CNTNAP2: variants seen among roughly 807,000 people sequenced by gnomAD.
CNTNAP2 encodes the protein contactin-associated protein-like 2.
A neutral mutation model predicts 155.2 loss-of-function variants in CNTNAP2; 98 were observed. That is an observed-to-expected ratio of 0.63 (90% CI 0.54 to 0.75). The LOEUF (loss-of-function observed/expected upper bound fraction) is 0.75. CNTNAP2 is among the 30% of genes least tolerant of loss of function. CNTNAP2 has a pLI of 0.00. For missense variants in CNTNAP2, 1,727 were observed against 1,688.1 expected (o/e 1.02, Z -0.40); for synonymous variants, 651 against 631.2 (o/e 1.03, Z -0.47).
chr7:146,299,768 A>G (rs145210075), intron 1 of CNTNAP2, among the ~76,000 whole-genome samples: 1 of 152,196 alleles, frequency 6.6e-6, no homozygotes, highest in East Asian at 1.9e-4. Context: ...ACCTTCAGGA[A>G]TGCATACCCT....
chr7:147,639,321 GA>G lies in CNTNAP2; in HGVS notation c.2098+17del. The G allele has an allele frequency of 6.2e-7, 1 of 1,611,994 alleles. No individual in the cohort carries two copies. On this transcript the variant is annotated intron_variant, in intron 13 of 23. Coordinates refer to ENST00000361727, the MANE Select transcript of CNTNAP2 (RefSeq NM_014141.6). Reference sequence around the variant, plus strand: ...GAACACCCCAGGTAGGCTGAGAATGGAATGTTACTTTTAATCACTATCTCAG... The same window carrying G: ...GAACACCCCAGGTAGGCTGAGAATGGATGTTACTTTTAATCACTATCTCAG...
Position 147,922,653 on chromosome 7 carries a change from C to G in CNTNAP2, c.2255+18932C>G, listed in dbSNP as rs1800304763. Among the ~76,000 whole-genome samples, 2 of 152,216 alleles carry G rather than the reference C, an allele frequency of 1.3e-5. 1 individual carries two copies. The highest frequency in any genetic ancestry group is 4.1e-4 in the South Asian group (2 of 4,836). ...GGCCAACTGATGCAGTCCACAGAGT[C>G]TAAAGACCACTCAAACTACTCATAA... On this transcript the variant is annotated intron_variant, in intron 14 of 23. Transcript: ENST00000361727.
intron 2 of CNTNAP2, among the ~76,000 whole-genome samples, chr7:146,838,459 A>AG (rs1388554139): frequency 6.6e-6 from 1 of 152,120 alleles, no homozygotes; most frequent in Non-Finnish European, 1.5e-5. Flanking sequence ...CTGGGATTAC[A>AG]GGCACCTGCC....
At chr7:147,141,551 T>TAA (rs539936611) in intron 8 of CNTNAP2, among the ~76,000 whole-genome samples, 3 of 151,194 alleles carry the variant, frequency 2.0e-5, no homozygotes, top group Admixed American at 6.6e-5. Context: ...TTTCATAGAT[T>TAA]AAAAAAAAAC....
chr7:147,567,472 A>G (rs1440241551), intron 12 of CNTNAP2, among the ~76,000 whole-genome samples: 1 of 152,190 alleles, frequency 6.6e-6, no homozygotes, highest in Non-Finnish European at 1.5e-5. Flanking sequence ...GGACACCCAG[A>G]GATAAGACAG....
intron 9 of CNTNAP2, among the ~76,000 whole-genome samples, chr7:147,332,575 A>T (rs1205015728): frequency 6.6e-6 from 1 of 152,024 alleles, no homozygotes; most frequent in African/African-American, 2.4e-5. Context: ...TAATACAGTA[A>T]TTATCAGGTC....
intron 1 of CNTNAP2, among the ~76,000 whole-genome samples, chr7:146,367,384 A>T (rs1475448288): frequency 1.3e-5 from 2 of 152,138 alleles, no homozygotes; most frequent in Non-Finnish European, 2.9e-5. Flanking sequence ...AAACAAAAAC[A>T]TGTAAGCCTT....
intron 3 of CNTNAP2, among the ~76,000 whole-genome samples, chr7:146,852,261 A>G (rs1794893971): frequency 6.6e-6 from 1 of 152,166 alleles, no homozygotes; most frequent in Non-Finnish European, 1.5e-5. Context: ...CTGGTAAGTA[A>G]GAATAAGGAT....
intron 15 of CNTNAP2, among the ~76,000 whole-genome samples, chr7:148,013,604 G>C (rs1339799599): frequency 6.6e-6 from 1 of 152,132 alleles, no homozygotes; most frequent in Non-Finnish European, 1.5e-5. Flanking sequence ...GGCCAAAATT[G>C]AATTACTGAA....
At chr7:146,675,347 T>A (rs914931854) in intron 1 of CNTNAP2, among the ~76,000 whole-genome samples, 5 of 152,192 alleles carry the variant, frequency 3.3e-5, no homozygotes, top group Non-Finnish European at 5.9e-5. Flanking sequence ...AAAAACCTGA[T>A]ATGTATTTAC....
intron 1 of CNTNAP2, among the ~76,000 whole-genome samples, chr7:146,607,563 A>C (rs776960264): frequency 6.6e-6 from 1 of 152,000 alleles, no homozygotes; most frequent in Admixed American, 6.6e-5. Context: ...TGCATTCTCA[A>C]TCTCCTGGGC....
chr7:147,550,109 T>TA (rs1176761002), intron 11 of CNTNAP2, among the ~76,000 whole-genome samples: 4 of 152,142 alleles, frequency 2.6e-5, no homozygotes, highest in Admixed American at 2.0e-4. Context: ...TTTAACAACA[T>TA]AAATGCCTTG....
Position 147,132,316 on chromosome 7 carries a change from G to A in CNTNAP2, c.1155G>A (p.Glu385=). 1.2e-6 allele frequency: 2 copies of A among 1,613,730 alleles called. No homozygotes were observed. The highest frequency in any genetic ancestry group is 1.7e-6 in the Non-Finnish European group (2 of 1,179,790). The change falls in exon 8 of 24, where the codon GAG becomes GAA. Residue 385 remains glutamate, a synonymous_variant. Coordinates refer to ENST00000361727, the MANE Select transcript of CNTNAP2 (RefSeq NM_014141.6). ...TTTTCAACGCTACAAGTTACCTGGA[G>A]GTGCCCGGACGGCTTAACCAGGACC... is the stretch of plus-strand genomic sequence containing the variant. ...PVFFNATSYL[E]VPGRLNQDLF...
chr7:146,810,114 C>T (rs959661507), intron 2 of CNTNAP2, among the ~76,000 whole-genome samples: 18 of 152,082 alleles, frequency 1.2e-4, no homozygotes, highest in African/African-American at 4.3e-4. Flanking sequence ...TCTTTTTCCT[C>T]ATTGTGTATT....
intron 1 of CNTNAP2, among the ~76,000 whole-genome samples, chr7:146,370,475 A>C (rs1352137556): frequency 6.6e-6 from 1 of 151,740 alleles, no homozygotes; most frequent in African/African-American, 2.4e-5. Context: ...ATTTTTCCTT[A>C]ATGATTTTCA....
rs748281515 is a variant in CNTNAP2 at position 147,028,879 on chromosome 7, TAGA to T, written c.403-15017_403-15015del. Among the ~76,000 whole-genome samples, 21 of 148,838 alleles carry T rather than the reference TAGA, an allele frequency of 1.4e-4. 1 individual carries two copies. Among genetic ancestry groups the T allele is most frequent in the South Asian group, 4.2e-4 (2 of 4,722 alleles). ...GAACAGCATGACCTTTAATAATCCA[TAGA>T]AGAAGAAGAAAAATCCAATGAAGAT... On this transcript the variant is annotated intron_variant, in intron 3 of 23. Coordinates refer to ENST00000361727, the MANE Select transcript of CNTNAP2 (RefSeq NM_014141.6).
intron 1 of CNTNAP2, among the ~76,000 whole-genome samples, chr7:146,760,724 GACT>G (rs1802083095): frequency 6.6e-6 from 1 of 151,752 alleles, no homozygotes; most frequent in South Asian, 2.1e-4. Flanking sequence ...CACACCTGGA[GACT>G]ACTAATTTAT....
At chr7:147,469,718 T>C (rs1158315543) in intron 10 of CNTNAP2, among the ~76,000 whole-genome samples, 12 of 151,648 alleles carry the variant, frequency 7.9e-5, no homozygotes, top group Admixed American at 3.9e-4. Context: ...CGGGGTTTCA[T>C]CGTGTTAGCC....
At position 147,399,673 on chromosome 7, in the gene CNTNAP2, G is replaced by C. The variant is rs113685719; in HGVS notation, c.1670+3893G>C. On this transcript the variant is annotated intron_variant, in intron 10 of 23. Transcript: ENST00000361727. ...ATTGAAATGTCTACTGGACGTCTAA[G>C]TAGAAATGTCAGGAAGAGAGTTGGA... is the stretch of plus-strand genomic sequence containing the variant. 2.6e-5 allele frequency among the ~76,000 whole-genome samples: 4 copies of C among 152,304 alleles called. 1 individual carries two copies. The highest frequency in any genetic ancestry group is 9.6e-5 in the African/African-American group (4 of 41,560).
Sources: gnomAD v4.1 joint callset for allele counts (sites outside exome capture counted in the v4.1 genomes callset) on GRCh38, gnomAD v4.1.1 for gene constraint, MANE v1.5 for transcripts, NCBI Gene and HGNC (gene_info 2026-07-23, HGNC 2026-07-21) for gene names.